The following DLG2 variants were observed in gnomAD, a reference collection of about 807,000 sequenced individuals.
DLG2 encodes disks large homolog 2.
A neutral mutation model predicts 132.5 loss-of-function variants in DLG2; 45 were observed. The ratio of observed to expected loss-of-function variants is 0.34; its 90% CI spans 0.27 to 0.44. The LOEUF is 0.44. Among genes scored for constraint, DLG2 ranks in the 20% least tolerant of loss-of-function variants. DLG2 has a pLI of 1.00. For missense variants in DLG2, 1,045 were observed against 1,196.9 expected (o/e 0.87, Z 1.87); for synonymous variants, 424 against 419.6 (o/e 1.01, Z -0.13).
In DLG2 at chr11:84,174,246, T is replaced by C. The variant is rs149977735; in HGVS notation, c.574-10735A>G. Among the ~76,000 whole-genome samples the C allele has an allele frequency of 1.7e-3, 255 of 152,108 alleles. 1 individual carries two copies. Among genetic ancestry groups the C allele is most frequent in the Middle Eastern group, 6.8e-3 (2 of 294 alleles). On this transcript the variant is annotated intron_variant, in intron 8 of 27. Transcript: ENST00000376104. ...ATTATCACTTTCTTAAGAACATTGG[T>C]ATAACTTCCTAAAAATACTTCTTCC...
intron 8 of DLG2, among the ~76,000 whole-genome samples, chr11:84,172,210 A>C (rs1411064835): frequency 6.6e-6 from 1 of 152,228 alleles, no homozygotes; most frequent in Non-Finnish European, 1.5e-5. Context: ...TATTTTATGA[A>C]TACTATGAAG....
rs111644735 is a variant in DLG2, at chr11:84,819,076, T to TACACACACACACACACACACACACAC, written c.358-284371_358-284346dup. On this transcript the variant is annotated intron_variant, in intron 6 of 27. Transcript: ENST00000376104. ...TGGCCCACACTCCCTCACTCACAAA[T>TACACACACACACACACACACACACAC]ACACACACACACACACACACACACA... 4.9e-4 allele frequency among the ~76,000 whole-genome samples: 64 copies of TACACACACACACACACACACACACAC among 129,516 alleles called. 1 individual carries two copies. The highest frequency in any genetic ancestry group is 4.1e-3 in the Middle Eastern group (1 of 242). 85.0% of individuals were successfully genotyped at this position (129,516 alleles called of 152,430 possible). A position where few individuals can be genotyped will look rare whatever the true frequency, so the allele number is the denominator to read the frequency against.
intron 7 of DLG2, among the ~76,000 whole-genome samples, chr11:84,284,741 G>C (rs1464712468): frequency 6.6e-6 from 1 of 152,156 alleles, no homozygotes; most frequent in Non-Finnish European, 1.5e-5. Context: ...GGACTTTCTT[G>C]ACAGAAGGAA....
At chr11:85,423,402 T>G (rs1225026027) in intron 3 of DLG2, among the ~76,000 whole-genome samples, 1 of 152,194 alleles carries the variant, frequency 6.6e-6, no homozygotes, top group Non-Finnish European at 1.5e-5. Flanking sequence ...TTTTGCTGGT[T>G]GGCCTCCTGC....
intron 11 of DLG2, among the ~76,000 whole-genome samples, chr11:84,016,816 A>G (rs2095214924): frequency 6.6e-6 from 1 of 152,142 alleles, no homozygotes; most frequent in Admixed American, 6.6e-5. Flanking sequence ...CCAAGGTCAT[A>G]CAGCAAGAAT....
rs1040425789 is a variant in DLG2, at chr11:83,642,057, G to T, written c.1826-8732C>A. 3.3e-5 allele frequency among the ~76,000 whole-genome samples: 5 copies of T among 152,154 alleles called. No individual in the cohort carries two copies. In the East Asian group the frequency reaches 9.6e-4, roughly 29 times the overall value. On this transcript the variant is annotated intron_variant, in intron 18 of 27. Transcript: ENST00000376104. ...GTCTATCTTTTCTGCACTCCACAAA[G>T]GAAGAGGATGTATGCACCTATCTCT...
At chr11:84,636,301 A>T (rs2099640346) in intron 6 of DLG2, among the ~76,000 whole-genome samples, 1 of 152,192 alleles carries the variant, frequency 6.6e-6, no homozygotes, top group Non-Finnish European at 1.5e-5. Flanking sequence ...AATGCCTAGG[A>T]TTTATATGCT....
intron 6 of DLG2, among the ~76,000 whole-genome samples, chr11:84,763,874 C>T (rs1943707): frequency 0.56 from 85,566 of 151,946 alleles, 25,300 homozygotes; most frequent in African/African-American, 0.74. Flanking sequence ...CTTCAAAATT[C>T]CTTAAGGAAT....
At chr11:85,015,152 C>A (rs1265187582) in intron 6 of DLG2, among the ~76,000 whole-genome samples, 12 of 152,206 alleles carry the variant, frequency 7.9e-5, no homozygotes, top group Non-Finnish European at 1.8e-4. Flanking sequence ...AAATTGTGTG[C>A]AATTGATGTG....
chr11:84,789,139 G>A (rs533087586), intron 6 of DLG2, among the ~76,000 whole-genome samples: 2 of 152,248 alleles, frequency 1.3e-5, no homozygotes, highest in South Asian at 2.1e-4. Context: ...GTAAGGTGGA[G>A]GCTTAGAAAC....
chr11:84,550,251 C>T (rs1212232685), intron 6 of DLG2, among the ~76,000 whole-genome samples: 1 of 152,030 alleles, frequency 6.6e-6, no homozygotes, highest in African/African-American at 2.4e-5. Context: ...TTGTAGCATC[C>T]CTACAGAACA....
intron 7 of DLG2, among the ~76,000 whole-genome samples, chr11:84,272,970 T>C (rs1363950829): frequency 6.6e-6 from 1 of 152,140 alleles, no homozygotes; most frequent in South Asian, 2.1e-4. Context: ...TGCTTGGACA[T>C]ATTAAGAATT....
intron 6 of DLG2, among the ~76,000 whole-genome samples, chr11:84,929,023 T>TATATATATATATA (rs2047785498): frequency 7.6e-6 from 1 of 131,698 alleles, no homozygotes; most frequent in South Asian, 2.5e-4. Context: ...TATATATATA[T>TATATATATATATA]ATTACTGTGA....
intron 18 of DLG2, chr11:83,692,869 C>G (rs1463174953): frequency 6.6e-6 from 1 of 152,136 alleles, no homozygotes; most frequent in Non-Finnish European, 1.5e-5. Context: ...TGTAAGGGAA[C>G]AAGCTTGGCC....
chr11:83,686,360 A>G (rs2079763544), intron 18 of DLG2, among the ~76,000 whole-genome samples: 1 of 152,062 alleles, frequency 6.6e-6, no homozygotes, highest in South Asian at 2.1e-4. Flanking sequence ...TAAAAAATTT[A>G]TAGTACTTAT....
intron 18 of DLG2, among the ~76,000 whole-genome samples, chr11:83,761,370 A>G (rs774431556): frequency 1.6e-4 from 25 of 152,216 alleles, no homozygotes; most frequent in Non-Finnish European, 3.1e-4. Context: ...CTCCACAAAT[A>G]ATTCACTTCG....
At position 84,889,939 on chromosome 11, in the gene DLG2, T is replaced by A. The variant is rs191527173; in HGVS notation, c.357+221722A>T. ...CAGGAAACAGATTCTAATCTGGCTT[T>A]ACATTTTCCATTGTAATCTTGAGAT... On this transcript the variant is annotated intron_variant, in intron 6 of 27. Coordinates refer to ENST00000376104, the MANE Select transcript of DLG2 (RefSeq NM_001142699.3). Among the ~76,000 whole-genome samples, 365 of 152,320 alleles carry A rather than the reference T, an allele frequency of 2.4e-3. 6 individuals carry two copies. The highest frequency in any genetic ancestry group is 1.5e-4 in the Non-Finnish European group (10 of 68,020).
chr11:83,860,660 G>C (rs888963974), intron 16 of DLG2, among the ~76,000 whole-genome samples: 9 of 129,326 alleles, frequency 7.0e-5, no homozygotes, highest in Admixed American at 3.7e-4. Flanking sequence ...GCTGAAATGA[G>C]TTAAGACTTT....
chr11:84,763,766 C>G (rs954637267), intron 6 of DLG2, among the ~76,000 whole-genome samples: 3 of 151,920 alleles, frequency 2.0e-5, no homozygotes, highest in African/African-American at 7.3e-5. Flanking sequence ...TTTTTAAATG[C>G]CATTAATTTT....
Sources: allele counts gnomAD v4.1 joint callset (sites outside exome capture counted in the v4.1 genomes callset), GRCh38; gene constraint gnomAD v4.1.1; transcripts MANE v1.5; gene names NCBI Gene and HGNC (gene_info 2026-07-23, HGNC 2026-07-21).